The following PIWIL1 variants were observed in gnomAD, a reference collection of about 807,000 sequenced individuals.
PIWIL1 encodes piwi-like protein 1.
PIWIL1 carries 73 observed loss-of-function variants against 114.4 expected under a neutral mutation model. The ratio of observed to expected loss-of-function variants is 0.64; its 90% CI spans 0.53 to 0.78. The LOEUF is 0.78. Among genes scored for constraint, PIWIL1 ranks in the 30% least tolerant of loss-of-function variants. The probability of loss-of-function intolerance (pLI) is 0.00; values close to 1 mark genes in which losing one functional copy is unlikely to be tolerated. For missense variants in PIWIL1, 723 were observed against 1,063.1 expected (o/e 0.68, Z 4.45); for synonymous variants, 375 against 369.0 (o/e 1.02, Z -0.19).
chr12:130,369,420 G>C (rs2073758091), intron 19 of PIWIL1, among the ~76,000 whole-genome samples: 1 of 152,168 alleles, frequency 6.6e-6, no homozygotes, highest in African/African-American at 2.4e-5. Flanking sequence ...CCAGTAATGG[G>C]ATTGCTGGGT....
chr12:130,422,461 G>A, the PIWIL1 span: 1 of 1,607,464 alleles, frequency 6.2e-7, no homozygotes, highest in Non-Finnish European at 8.5e-7. The surrounding 1 kb of genome is among the most constrained non-coding windows in gnomAD (Gnocchi z 5.2). Context: ...ACCGATGGAT[G>A]GGACTGTCAC....
At chr12:130,425,178 C>T in the PIWIL1 span, 6 of 246,478 alleles carry the variant, frequency 2.4e-5, no homozygotes, top group East Asian at 7.5e-5. Flanking sequence ...ACAGTGCCCA[C>T]GGTACCGCTG....
chr12:130,407,901 C>T, the PIWIL1 span: 20 of 1,371,798 alleles, frequency 1.5e-5, no homozygotes, highest in African/African-American at 7.1e-5. Flanking sequence ...CCCCTCCTTC[C>T]GGGTCACACA....
At chr12:130,387,764 A>T in the PIWIL1 span, among the ~76,000 whole-genome samples, 3 of 152,216 alleles carry the variant, frequency 2.0e-5, no homozygotes, top group Non-Finnish European at 4.4e-5. Context: ...TGCTGTTGAA[A>T]TTATCATTCC....
chr12:130,407,578 A>G, the PIWIL1 span: 1 of 747,410 alleles, frequency 1.3e-6, no homozygotes, highest in Admixed American at 1.8e-5. Flanking sequence ...TGTCTGTATC[A>G]GCCATCCCTC....
downstream of PIWIL1, among the ~76,000 whole-genome samples, chr12:130,374,186 C>G (rs2073848918): frequency 6.6e-6 from 1 of 152,190 alleles, no homozygotes; most frequent in Non-Finnish European, 1.5e-5. Context: ...TCCCTAAGTC[C>G]TACAGGAGTT....
intron 19 of PIWIL1, among the ~76,000 whole-genome samples, chr12:130,369,792 G>C (rs959276766): frequency 1.3e-5 from 2 of 151,732 alleles, no homozygotes; most frequent in South Asian, 2.1e-4. Context: ...TTAGACTTTT[G>C]TAAGATGGGT....
chr12:130,348,068 T>C, intron 6 of PIWIL1, 35 bp from the exon 7 acceptor site: 1 of 1,351,282 alleles, frequency 7.4e-7, no homozygotes, highest in East Asian at 2.3e-5. Flanking sequence ...TAGAGATACT[T>C]ATCAATATTC....
rs4759660 is a variant in PIWIL1 at position 130,354,506 on chromosome 12, G to A, written c.1045-31G>A. 2.6e-4 allele frequency: 419 copies of A among 1,613,550 alleles called. 1 individual carries two copies. The Admixed American group carries it at 6.4e-3, about 25-fold the overall frequency. ...TGAGATGCTACTCGAGGCATTTGCC[G>A]TGAACAGCGACCCTTTCGTCTCTTG... On this transcript the variant is annotated intron_variant, in intron 9 of 20. Transcript: ENST00000245255.
intron 14 of PIWIL1, among the ~76,000 whole-genome samples, chr12:130,357,943 A>G (rs977879178): frequency 6.6e-6 from 1 of 152,250 alleles, no homozygotes; most frequent in Non-Finnish European, 1.5e-5. Context: ...AGTGCCAGGT[A>G]TGGGAAGAGT....
At chr12:130,349,520 T>C in intron 8 of PIWIL1, 84 bp downstream of exon 8, 1 of 902,712 alleles carries the variant, frequency 1.1e-6, no homozygotes, top group South Asian at 1.6e-5. Context: ...TAAGAAATAG[T>C]GTTTAAAATT....
the PIWIL1 span, chr12:130,397,095 C>T: frequency 2.7e-5 from 7 of 256,096 alleles, no homozygotes; most frequent in East Asian, 2.1e-4. Context: ...GATAGCTATG[C>T]GCCCCCGTTT....
At chr12:130,367,629 G>T (rs11060845) in intron 19 of PIWIL1, among the ~76,000 whole-genome samples, 8,201 of 152,280 alleles carry the variant, frequency 0.054, 589 homozygotes, top group East Asian at 0.39. Context: ...TTGTCTAAAG[G>T]TCAAGAAGTT....
the PIWIL1 span, among the ~76,000 whole-genome samples, chr12:130,404,336 C>T: frequency 1.3e-5 from 2 of 152,202 alleles, no homozygotes; most frequent in African/African-American, 4.8e-5. Context: ...GTTTCACTGT[C>T]ACCCAGGCTG....
the PIWIL1 span, among the ~76,000 whole-genome samples, chr12:130,404,370 T>C: frequency 2.0e-5 from 3 of 152,344 alleles, no homozygotes; most frequent in Admixed American, 6.5e-5. Context: ...TGATCTCAGC[T>C]CACCGCAACC....
the PIWIL1 span, among the ~76,000 whole-genome samples, chr12:130,390,911 G>A: frequency 3.9e-5 from 6 of 152,156 alleles, no homozygotes; most frequent in African/African-American, 1.4e-4. Context: ...ACCGGTGCCT[G>A]CACAACTTAC....
chr12:130,378,338 G>A, the PIWIL1 span, among the ~76,000 whole-genome samples: 57 of 152,192 alleles, frequency 3.7e-4, no homozygotes, highest in Non-Finnish European at 7.2e-4. Flanking sequence ...ATTCGACCGC[G>A]TGATGAGTTC....
At chr12:130,413,632 CAAAAAAAAAA>C in the PIWIL1 span, among the ~76,000 whole-genome samples, 7 of 73,364 alleles carry the variant, frequency 9.5e-5, no homozygotes, top group East Asian at 2.3e-3. Flanking sequence ...GACTCTGTCT[CAAAAAAAAAA>C]AAAAAAAAAA....
chr12:130,394,282 G>A, the PIWIL1 span, among the ~76,000 whole-genome samples: 3 of 152,160 alleles, frequency 2.0e-5, no homozygotes, highest in African/African-American at 7.2e-5. Context: ...TGATGAGAGG[G>A]GCTGCAGGAA....
Sources: gnomAD v4.1 joint callset for allele counts (sites outside exome capture counted in the v4.1 genomes callset) on GRCh38, gnomAD v4.1.1 for gene constraint, Gnocchi (gnomAD v3.1) non-coding constraint, MANE v1.5 for transcripts, NCBI Gene and HGNC (gene_info 2026-07-23, HGNC 2026-07-21) for gene names.